MRAP2: variants seen among roughly 807,000 people sequenced by gnomAD.
The protein encoded by MRAP2 is melanocortin 2 receptor accessory protein 2, also known as melanocortin-2 receptor accessory protein 2.
In MRAP2, 20 loss-of-function variants were observed where a neutral mutation model predicts 17.4. That is an observed-to-expected ratio of 1.15 (90% CI 0.81 to 1.67). The LOEUF is 1.67. Among genes scored for constraint, MRAP2 ranks in the 40% most tolerant of loss-of-function variants. The probability of loss-of-function intolerance (pLI) is 0.00; values close to 1 mark genes in which losing one functional copy is unlikely to be tolerated. For missense variants in MRAP2, 238 were observed against 240.0 expected (o/e 0.99, Z 0.05); for synonymous variants, 96 against 88.4 (o/e 1.09, Z -0.48).
At chr6:84,078,136 A>T (rs969792625) in intron 3 of MRAP2, among the ~76,000 whole-genome samples, 28 of 152,222 alleles carry the variant, frequency 1.8e-4, no homozygotes, top group Non-Finnish European at 3.5e-4. Flanking sequence ...AAGGAAAAAA[A>T]TTGATAAACA....
In MRAP2 at chr6:84,089,244, C is replaced by T. The variant is rs563415259; in HGVS notation, c.381C>T (p.Asp127=). ...HCYINEVERL[D]RAKACHQTTA... is the part of the protein sequence containing the mutation. Reference sequence around the variant, plus strand: ...ACATCAATGAGGTGGAACGCTTGGACAGAGCCAAAGCTTGTCACCAGACCA... The same window carrying T: ...ACATCAATGAGGTGGAACGCTTGGATAGAGCCAAAGCTTGTCACCAGACCA... The change falls in exon 4 of 4, where the codon GAC becomes GAT. Residue 127 remains aspartate (D), a synonymous_variant. Coordinates refer to ENST00000257776, the MANE Select transcript of MRAP2 (RefSeq NM_138409.4). The T allele has an allele frequency of 6.2e-7, 1 of 1,614,172 alleles. No homozygotes were observed. Among genetic ancestry groups the T allele is most frequent in the East Asian group, 2.2e-5 (1 of 44,872 alleles).
At chr6:84,068,713 G>A (rs187020602) in intron 3 of MRAP2, among the ~76,000 whole-genome samples, 37 of 149,210 alleles carry the variant, frequency 2.5e-4, no homozygotes, top group African/African-American at 8.9e-4. Flanking sequence ...TCTCCGCTTG[G>A]TCGCTGTTGG....
chr6:84,092,772 G>A (rs572606992), downstream of MRAP2, among the ~76,000 whole-genome samples: 64 of 152,126 alleles, frequency 4.2e-4, no homozygotes, highest in African/African-American at 1.5e-3. Context: ...CGCATCCCAA[G>A]AATACTGTAT....
intron 1 of MRAP2, among the ~76,000 whole-genome samples, chr6:84,036,763 C>G (rs1490247058): frequency 6.6e-6 from 1 of 152,194 alleles, no homozygotes; most frequent in Non-Finnish European, 1.5e-5. Flanking sequence ...TTACAGAGAA[C>G]TGATTGGTCT....
chr6:84,144,095 T>C, the MRAP2 span, among the ~76,000 whole-genome samples: 1 of 152,054 alleles, frequency 6.6e-6, no homozygotes, highest in Non-Finnish European at 1.5e-5. Flanking sequence ...AATCAAATTA[T>C]AAATTATTTT....
chr6:84,055,261 A>G lies in MRAP2; in HGVS notation c.-7-51A>G, dbSNP rs2099491393. Reference sequence around the variant, plus strand: ...TCAAGAGTAATTAAGGTAACTGTGCAGCTCTGGATGAATTAACAGGTTCTG... The same window carrying G: ...TCAAGAGTAATTAAGGTAACTGTGCGGCTCTGGATGAATTAACAGGTTCTG... On this transcript the variant is annotated intron_variant, in intron 1 of 3. Transcript: ENST00000257776. The G allele has an allele frequency of 2.5e-6, 4 of 1,571,572 alleles. No homozygotes were observed. In the South Asian group the frequency reaches 3.6e-5, roughly 14 times the overall value.
At position 84,081,910 on chromosome 6, in the gene MRAP2, C is replaced by T. The variant is rs117393127; in HGVS notation, c.228-7181C>T. Among the ~76,000 whole-genome samples, 276 of 152,308 alleles carry T rather than the reference C, an allele frequency of 1.8e-3. 1 individual carries two copies. In the Middle Eastern group the frequency reaches 0.031, roughly 17 times the overall value. ...CCATGTAAGATGTGCCTTGCTTTCC[C>T]TCTGCCTTCCACTAAAATTGTAAGT... is the stretch of plus-strand genomic sequence containing the variant. On this transcript the variant is annotated intron_variant, in intron 3 of 3. Coordinates refer to ENST00000257776, the MANE Select transcript of MRAP2 (RefSeq NM_138409.4).
chr6:84,110,844 T>A, the MRAP2 span, among the ~76,000 whole-genome samples: 10 of 152,212 alleles, frequency 6.6e-5, no homozygotes, highest in African/African-American at 1.9e-4. Context: ...CCAACACCAT[T>A]TATTAAACAG....
At chr6:84,125,565 G>C in the MRAP2 span, among the ~76,000 whole-genome samples, 1 of 152,048 alleles carries the variant, frequency 6.6e-6, no homozygotes, top group South Asian at 2.1e-4. Flanking sequence ...CATAAGGGTG[G>C]GGACTTGATT....
intron 3 of MRAP2, among the ~76,000 whole-genome samples, chr6:84,070,216 G>A (rs2987728): frequency 0.085 from 12,898 of 151,954 alleles, 748 homozygotes; most frequent in African/African-American, 0.16. Flanking sequence ...CAGTCTTTTC[G>A]ATGTAGGTGT....
Position 84,084,079 on chromosome 6 carries a change from TAATA to T in MRAP2, c.228-5009_228-5006del, listed in dbSNP as rs1052479857. ...TTTCATAGCAGTTTGATAATAATAA[TAATA>T]AACCTCTCATCCTTTATTTCAGTTT... On this transcript the variant is annotated intron_variant, in intron 3 of 3. Transcript: ENST00000257776. Among the ~76,000 whole-genome samples the T allele has an allele frequency of 7.6e-4, 115 of 152,310 alleles. 2 individuals carry two copies. Among genetic ancestry groups the T allele is most frequent in the African/African-American group, 2.7e-3 (111 of 41,568 alleles).
the MRAP2 span, among the ~76,000 whole-genome samples, chr6:84,096,724 C>A: frequency 6.6e-6 from 1 of 152,104 alleles, no homozygotes; most frequent in African/African-American, 2.4e-5. Context: ...TCTGATCTCA[C>A]AGGAAGTTCT....
the MRAP2 span, among the ~76,000 whole-genome samples, chr6:84,103,735 C>T: frequency 6.6e-6 from 1 of 151,870 alleles, no homozygotes; most frequent in South Asian, 2.1e-4. Context: ...ATTATCTGTC[C>T]TCTGTATCTG....
the MRAP2 span, among the ~76,000 whole-genome samples, chr6:84,135,837 T>C: frequency 6.6e-6 from 1 of 152,156 alleles, no homozygotes; most frequent in African/African-American, 2.4e-5. Context: ...CACTCCAGCC[T>C]GGGCGACAAC....
At chr6:84,137,018 G>A in the MRAP2 span, among the ~76,000 whole-genome samples, 1 of 152,172 alleles carries the variant, frequency 6.6e-6, no homozygotes, top group African/African-American at 2.4e-5. Context: ...TGTTGTGGGA[G>A]CCACCGTGCA....
At chr6:84,119,739 T>G in the MRAP2 span, among the ~76,000 whole-genome samples, 1 of 152,316 alleles carries the variant, frequency 6.6e-6, no homozygotes, top group South Asian at 2.1e-4. Flanking sequence ...AATCCAGATA[T>G]TTTGTGTATC....
At chr6:84,063,075 C>A in intron 3 of MRAP2, 83 bp downstream of exon 3, 1 of 1,588,452 alleles carries the variant, frequency 6.3e-7, no homozygotes, top group South Asian at 1.1e-5. Context: ...GCCGGAGGTG[C>A]TTCCCGTGGA....
intron 2 of MRAP2, among the ~76,000 whole-genome samples, chr6:84,060,444 C>CT (rs2099492819): frequency 6.6e-6 from 1 of 152,148 alleles, no homozygotes; most frequent in Admixed American, 6.5e-5. Flanking sequence ...GAACACCTTC[C>CT]TAATACACAG....
Position 84,069,561 on chromosome 6 carries a change from G to C in MRAP2, c.227+6569G>C, listed in dbSNP as rs187439244. 1.6e-4 allele frequency among the ~76,000 whole-genome samples: 25 copies of C among 151,916 alleles called. No individual in the cohort carries two copies. The East Asian group carries it at 3.5e-3, about 21-fold the overall frequency. ...ATATCGGTCTGTAGTTTTCTTTTTTGGTTATGTCCTTTCCTGGTTTTAGTA... is the reference window on the plus strand; with the variant it reads ...ATATCGGTCTGTAGTTTTCTTTTTTCGTTATGTCCTTTCCTGGTTTTAGTA... On this transcript the variant is annotated intron_variant, in intron 3 of 3. Transcript: ENST00000257776.
Sources: gnomAD v4.1 joint callset for allele counts (sites outside exome capture counted in the v4.1 genomes callset) on GRCh38, gnomAD v4.1.1 for gene constraint, MANE v1.5 for transcripts, NCBI Gene and HGNC (gene_info 2026-07-23, HGNC 2026-07-21) for gene names.